Variants in LRMDA observed in about 807,000 individuals in gnomAD.
LRMDA encodes the protein leucine rich melanocyte differentiation associated, also known as leucine-rich melanocyte differentiation-associated protein.
A neutral mutation model predicts 29.8 loss-of-function variants in LRMDA; 18 were observed. The ratio of observed to expected loss-of-function variants is 0.60; its 90% CI spans 0.42 to 0.90. LRMDA has a LOEUF of 0.90. LRMDA is among the 40% of genes least tolerant of loss of function. The pLI is 0.00. For synonymous variants in LRMDA, 125 were observed against 109.4 expected, an observed-to-expected ratio of 1.14 and a Z score of -0.89; for missense variants, 273 against 273.9, an observed-to-expected ratio of 1.00 and a Z score of 0.02.
At chr10:75,722,687 G>A (rs908822360) in intron 2 of LRMDA, among the ~76,000 whole-genome samples, 1 of 152,126 alleles carries the variant, frequency 6.6e-6, no homozygotes, top group Non-Finnish European at 1.5e-5. Flanking sequence ...GTTAAATGAG[G>A]GAGTTTTCTG....
intron 2 of LRMDA, among the ~76,000 whole-genome samples, chr10:75,986,736 G>A (rs906881824): frequency 6.6e-6 from 1 of 152,240 alleles, no homozygotes; most frequent in African/African-American, 2.4e-5. Context: ...CCTAGGCCAC[G>A]CTTCTCACCA....
At chr10:75,994,626 C>T (rs1847428579) in intron 2 of LRMDA, among the ~76,000 whole-genome samples, 1 of 152,204 alleles carries the variant, frequency 6.6e-6, no homozygotes, top group Non-Finnish European at 1.5e-5. Flanking sequence ...AAATCGCGCT[C>T]ACCTCTGGAA....
At chr10:75,934,476 C>A (rs1846254741) in intron 2 of LRMDA, among the ~76,000 whole-genome samples, 1 of 152,090 alleles carries the variant, frequency 6.6e-6, no homozygotes, top group South Asian at 2.1e-4. Context: ...GAGTTGAAAG[C>A]ATTTATAGGG....
intron 6 of LRMDA, among the ~76,000 whole-genome samples, chr10:76,335,717 G>A (rs1157970474): frequency 6.6e-6 from 1 of 152,130 alleles, no homozygotes; most frequent in African/African-American, 2.4e-5. Flanking sequence ...ATTGGCAATT[G>A]GTTGAAAGAG....
chr10:76,453,537 C>T (rs2132301753), intron 6 of LRMDA, among the ~76,000 whole-genome samples: 1 of 152,296 alleles, frequency 6.6e-6, no homozygotes, highest in East Asian at 1.9e-4. Flanking sequence ...AAAACCAGGG[C>T]ACATTTGTTT....
At chr10:75,906,691 A>T (rs954788172) in intron 2 of LRMDA, among the ~76,000 whole-genome samples, 1 of 152,266 alleles carries the variant, frequency 6.6e-6, no homozygotes, top group African/African-American at 2.4e-5. Flanking sequence ...TAATTATAAT[A>T]ATAAAATACA....
At chr10:76,261,657 C>T (rs1839945945) in intron 5 of LRMDA, among the ~76,000 whole-genome samples, 2 of 152,108 alleles carry the variant, frequency 1.3e-5, no homozygotes, top group Admixed American at 1.3e-4. Context: ...TTCTCATAAG[C>T]CTTGAAAAGC....
intron 6 of LRMDA, among the ~76,000 whole-genome samples, chr10:76,408,062 CACTT>C (rs765209926): frequency 3.3e-5 from 5 of 152,184 alleles, no homozygotes; most frequent in Non-Finnish European, 5.9e-5. Context: ...TCTCAACTAA[CACTT>C]ACTGCTTTTT....
chr10:75,821,795 C>CAAAAAAAA (rs142834137), intron 2 of LRMDA, among the ~76,000 whole-genome samples: 1 of 150,894 alleles, frequency 6.6e-6, no homozygotes, highest in African/African-American at 2.4e-5. Context: ...AACAAACAAA[C>CAAAAAAAA]AAAAAAAACC....
intron 2 of LRMDA, among the ~76,000 whole-genome samples, chr10:75,852,601 C>G (rs1844751351): frequency 6.6e-6 from 1 of 151,930 alleles, no homozygotes; most frequent in Admixed American, 6.6e-5. Flanking sequence ...TTTGGTCCAG[C>G]TTTGAGATGT....
intron 2 of LRMDA, among the ~76,000 whole-genome samples, chr10:75,477,140 A>T (rs1187366390): frequency 6.6e-6 from 1 of 151,872 alleles, no homozygotes. Flanking sequence ...ACAGGTGTAT[A>T]CCATCACCTA....
chr10:75,711,666 G>A (rs1842437807), intron 2 of LRMDA, among the ~76,000 whole-genome samples: 1 of 152,118 alleles, frequency 6.6e-6, no homozygotes, highest in African/African-American at 2.4e-5. Context: ...GGTAAGAAAA[G>A]AGAAGTTTAA....
chr10:75,800,128 T>C (rs895603806), intron 2 of LRMDA, among the ~76,000 whole-genome samples: 1 of 152,200 alleles, frequency 6.6e-6, no homozygotes, highest in African/African-American at 2.4e-5. Flanking sequence ...CTTTTACCTC[T>C]GTCTAGTTTT....
intron 6 of LRMDA, among the ~76,000 whole-genome samples, chr10:76,479,294 G>T (rs752054270): frequency 1.9e-4 from 29 of 151,942 alleles, no homozygotes; most frequent in Non-Finnish European, 3.7e-4. Flanking sequence ...GGCAATGTGG[G>T]GCAAGGGAGA....
At chr10:75,763,679 G>A (rs1195558481) in intron 2 of LRMDA, among the ~76,000 whole-genome samples, 4 of 151,046 alleles carry the variant, frequency 2.6e-5, no homozygotes, top group Admixed American at 6.6e-5. Context: ...ATGAGTTCTA[G>A]CTATTTCAAA....
At chr10:75,934,511 G>T (rs1846255341) in intron 2 of LRMDA, among the ~76,000 whole-genome samples, 2 of 152,068 alleles carry the variant, frequency 1.3e-5, no homozygotes, top group African/African-American at 4.8e-5. Context: ...GATTTCTTCT[G>T]TTTAAATACT....
chr10:75,871,928 A>G (rs1339325724), intron 2 of LRMDA, among the ~76,000 whole-genome samples: 1 of 152,194 alleles, frequency 6.6e-6, no homozygotes, highest in Non-Finnish European at 1.5e-5. Flanking sequence ...CTGAAGGCAA[A>G]TGTATATTTT....
chr10:75,869,601 G>A (rs778239141), intron 2 of LRMDA, among the ~76,000 whole-genome samples: 13 of 152,178 alleles, frequency 8.5e-5, no homozygotes, highest in Non-Finnish European at 1.8e-4. Context: ...TATTCGGTCT[G>A]TGGTGGGAAA....
intron 5 of LRMDA, among the ~76,000 whole-genome samples, chr10:76,094,830 A>AC (rs35184121): frequency 6.6e-6 from 1 of 151,228 alleles, no homozygotes; most frequent in African/African-American, 2.4e-5. Context: ...CCACCTAACC[A>AC]CCCCCCAGTG....
Sources: gnomAD v4.1 joint callset for allele counts (sites outside exome capture counted in the v4.1 genomes callset) on GRCh38, gnomAD v4.1.1 for gene constraint, MANE v1.5 for transcripts, NCBI Gene and HGNC (gene_info 2026-07-23, HGNC 2026-07-21) for gene names.